Variants in PCYOX1 observed in about 807,000 individuals in gnomAD.
PCYOX1 encodes the protein prenylcysteine lyase.
Under a neutral mutation model 46.4 loss-of-function variants are expected in PCYOX1, and 46 were observed. That is an observed-to-expected ratio of 0.99 (90% CI 0.78 to 1.27). PCYOX1 has a LOEUF of 1.27. PCYOX1 is among the 50% of genes most tolerant of loss of function. The probability of loss-of-function intolerance (pLI) is 0.00; values close to 1 mark genes in which losing one functional copy is unlikely to be tolerated. For synonymous variants in PCYOX1, 220 were observed against 231.8 expected, an observed-to-expected ratio of 0.95 and a Z score of 0.46; for missense variants, 658 against 628.3, an observed-to-expected ratio of 1.05 and a Z score of -0.51.
chr2:70,275,241 T>G, intron 4 of PCYOX1, 71 bp downstream of exon 4: 1 of 1,302,020 alleles, frequency 7.7e-7, no homozygotes, highest in South Asian at 1.2e-5. Context: ...TGGTGGTTCC[T>G]GACTTTAGGC....
rs1457991265 is a variant in PCYOX1, at chr2:70,281,117, C to T, written c.*3725C>T. 1 of 152,286 alleles carries T rather than the reference C, an allele frequency of 6.6e-6. No individual in the cohort carries two copies. Among genetic ancestry groups the T allele is most frequent in the African/African-American group, 2.4e-5 (1 of 41,448 alleles). The allele number at this position is 152,286 out of a possible 1,614,324, so 9.4% of individuals were successfully genotyped here. On this transcript the variant is annotated 3_prime_UTR_variant, in exon 6 of 6. Coordinates refer to ENST00000433351, the MANE Select transcript of PCYOX1 (RefSeq NM_016297.4). ...CTGGAATGTTTTTCTCTGGAATCCT[C>T]TTTCTACTCTTGTATTAAAATTTTT...
chr2:70,258,252 C>G lies in PCYOX1; in HGVS notation c.88C>G (p.Leu30Val), dbSNP rs1696376556. ...CTGCGGATGCCCCGAGGGCGCCGAG[C>G]TGCGTGCTCCGCCAGATAAAATCGG... Reference protein sequence around the residue: ...CSCGCPEGAELRAPPDKIAII... With the variant: ...CSCGCPEGAEVRAPPDKIAII... Residue 30 changes from leucine (L) to valine (V), a missense_variant, in exon 1 of 6, where the codon CTG becomes GTG. Transcript: ENST00000433351. 3 of 1,592,114 alleles carry G rather than the reference C, an allele frequency of 1.9e-6. No individual in the cohort carries two copies. The highest frequency in any genetic ancestry group is 2.6e-6 in the Non-Finnish European group (3 of 1,174,866).
intron 3 of PCYOX1, among the ~76,000 whole-genome samples, chr2:70,264,061 CAG>C (rs1281047869): frequency 6.7e-6 from 1 of 148,226 alleles, no homozygotes; most frequent in Non-Finnish European, 1.5e-5. Context: ...CTCCTGGGCT[CAG>C]GGGATCTGCC....
rs776676830 is a variant in PCYOX1, at chr2:70,277,402, C to T, written c.*10C>T. On this transcript the variant is annotated 3_prime_UTR_variant, in exon 6 of 6. Coordinates refer to ENST00000433351, the MANE Select transcript of PCYOX1 (RefSeq NM_016297.4). ...TAAAACTGAACTATGAAGTGACACA[C>T]TCCTTTTTCCCCTCCTAGTTCCAAA... is the stretch of plus-strand genomic sequence containing the variant. The T allele has an allele frequency of 1.6e-5, 25 of 1,567,596 alleles. No individual in the cohort carries two copies. The highest frequency in any genetic ancestry group is 2.2e-5 in the Non-Finnish European group (25 of 1,150,048).
In PCYOX1 at chr2:70,277,411, C is replaced by A. The variant is rs1383202071; in HGVS notation, c.*19C>A. ...ACTATGAAGTGACACACTCCTTTTT[C>A]CCCTCCTAGTTCCAAATGACTATCA... On this transcript the variant is annotated 3_prime_UTR_variant, in exon 6 of 6. Transcript: ENST00000433351. The A allele has an allele frequency of 7.1e-6, 11 of 1,557,584 alleles. No homozygotes were observed. Among genetic ancestry groups the A allele is most frequent in the Non-Finnish European group, 9.6e-6 (11 of 1,143,538 alleles).
chr2:70,260,913 G>T (rs1382292712), intron 2 of PCYOX1, among the ~76,000 whole-genome samples: 1 of 152,002 alleles, frequency 6.6e-6, no homozygotes, highest in Non-Finnish European at 1.5e-5. Context: ...GAATTCAGTT[G>T]GTACTCTGGC....
intron 3 of PCYOX1, among the ~76,000 whole-genome samples, chr2:70,262,046 T>TA (rs1696447696): frequency 6.6e-6 from 1 of 152,230 alleles, no homozygotes; most frequent in South Asian, 2.1e-4. Context: ...ACAGTTTTTT[T>TA]AATGCGTGTG....
chr2:70,262,885 AAAAAC>A (rs111754898), intron 3 of PCYOX1, among the ~76,000 whole-genome samples: 2 of 151,900 alleles, frequency 1.3e-5, no homozygotes, highest in East Asian at 1.9e-4. Flanking sequence ...TCTTGAGGGG[AAAAAC>A]AAAACAAAAC....
rs542104224 is a variant in PCYOX1 at position 70,262,548 on chromosome 2, C to T, written c.494+1162C>T. 1.5e-3 allele frequency among the ~76,000 whole-genome samples: 195 copies of T among 133,246 alleles called. 1 individual carries two copies. The highest frequency in any genetic ancestry group is 5.2e-3 in the African/African-American group (184 of 35,194). The allele number at this position is 133,246 out of a possible 152,430, so 87.4% of individuals were successfully genotyped here. A position where few individuals can be genotyped will look rare whatever the true frequency, so the allele number is the denominator to read the frequency against. On this transcript the variant is annotated intron_variant, in intron 3 of 5. Transcript: ENST00000433351. ...GGGCTGGAGTGCAGTGGCACCATCTCGGCTCACTGCAACCTCTGCCTCCCT... is the reference window on the plus strand; with the variant it reads ...GGGCTGGAGTGCAGTGGCACCATCTTGGCTCACTGCAACCTCTGCCTCCCT...
chr2:70,268,775 G>A (rs182499602), intron 3 of PCYOX1, among the ~76,000 whole-genome samples: 34 of 150,144 alleles, frequency 2.3e-4, no homozygotes, highest in South Asian at 1.1e-3. Flanking sequence ...GGCAACAAGC[G>A]TGAAACTCTG....
intron 3 of PCYOX1, among the ~76,000 whole-genome samples, chr2:70,265,064 A>G (rs1696493647): frequency 6.6e-6 from 1 of 152,076 alleles, no homozygotes; most frequent in Non-Finnish European, 1.5e-5. Flanking sequence ...AAAACAGTGC[A>G]TTCATTCATT....
At chr2:70,269,145 G>A (rs66522828) in intron 3 of PCYOX1, among the ~76,000 whole-genome samples, 12,095 of 149,118 alleles carry the variant, frequency 0.081, 521 homozygotes, top group East Asian at 0.18. Context: ...TTTATTTCTG[G>A]GTTTTCTTAT....
intron 5 of PCYOX1, among the ~76,000 whole-genome samples, chr2:70,276,256 G>A (rs1003769436): frequency 2.6e-5 from 4 of 151,036 alleles, no homozygotes; most frequent in Non-Finnish European, 5.9e-5. Context: ...TGCAAGCTCC[G>A]CCTCCCGGGT....
rs1207873249 is a variant in PCYOX1, at chr2:70,278,058, T to C, written c.*666T>C. 6.6e-6 allele frequency: 1 copy of C among 152,222 alleles called. No homozygotes were observed. Among genetic ancestry groups the C allele is most frequent in the Admixed American group, 6.6e-5 (1 of 15,262 alleles). The allele number at this position is 152,222 out of a possible 1,614,324, so 9.4% of individuals were successfully genotyped here. A position where few individuals can be genotyped will look rare whatever the true frequency, so the allele number is the denominator to read the frequency against. On this transcript the variant is annotated 3_prime_UTR_variant, in exon 6 of 6. Coordinates refer to ENST00000433351, the MANE Select transcript of PCYOX1 (RefSeq NM_016297.4). ...ATGCCTAAAGCCTTGACTTTCAGAATGTTGTCTTTTGATTCTTCTGTCTTG... is the reference window on the plus strand; with the variant it reads ...ATGCCTAAAGCCTTGACTTTCAGAACGTTGTCTTTTGATTCTTCTGTCTTG...
Position 70,278,027 on chromosome 2 carries a change from G to A in PCYOX1, c.*635G>A, listed in dbSNP as rs1424870246. 1 of 152,200 alleles carries A rather than the reference G, an allele frequency of 6.6e-6. No individual in the cohort carries two copies. The highest frequency in any genetic ancestry group is 1.9e-4 in the East Asian group (1 of 5,202). 9.4% of individuals were successfully genotyped at this position (152,200 alleles called of 1,614,324 possible). A position where few individuals can be genotyped will look rare whatever the true frequency, so the allele number is the denominator to read the frequency against. ...AATTTCATACCGGTTTGAAGTACGT[G>A]TGCCCATGCCTAAAGCCTTGACTTT... is the stretch of plus-strand genomic sequence containing the variant. On this transcript the variant is annotated 3_prime_UTR_variant, in exon 6 of 6. Coordinates refer to ENST00000433351, the MANE Select transcript of PCYOX1 (RefSeq NM_016297.4).
At chr2:70,268,122 G>T (rs1696553960) in intron 3 of PCYOX1, among the ~76,000 whole-genome samples, 1 of 152,052 alleles carries the variant, frequency 6.6e-6, no homozygotes, top group South Asian at 2.1e-4. Context: ...AATTTGTGTT[G>T]TTTTAAGCCA....
In PCYOX1 at chr2:70,279,936, C is replaced by T. The variant is rs935628884; in HGVS notation, c.*2544C>T. ...CTTTACTAAAAATACAAAAATTAGC[C>T]AGGCATGGTGGCGTGTGCCAGTAAT... On this transcript the variant is annotated 3_prime_UTR_variant, in exon 6 of 6. Transcript: ENST00000433351. 4 of 151,976 alleles carry T rather than the reference C, an allele frequency of 2.6e-5. No homozygotes were observed. The highest frequency in any genetic ancestry group is 9.7e-5 in the African/African-American group (4 of 41,366). The allele number at this position is 151,976 out of a possible 1,614,324, so 9.4% of individuals were successfully genotyped here.
chr2:70,259,618 A>G (rs1035460648), intron 2 of PCYOX1, 52 bp downstream of exon 2: 1 of 1,323,842 alleles, frequency 7.6e-7, no homozygotes, highest in African/African-American at 1.4e-5. Context: ...ACATCCCCGG[A>G]TATTTTTATC....
At chr2:70,259,704 G>A (rs914793814) in intron 2 of PCYOX1, 138 bp downstream of exon 2, 4 of 529,196 alleles carry the variant, frequency 7.6e-6, no homozygotes, top group Admixed American at 5.7e-5. Flanking sequence ...TCACTTTCTT[G>A]TTAGTTGGTA....
Sources: gnomAD v4.1 joint callset for allele counts (sites outside exome capture counted in the v4.1 genomes callset) on GRCh38, gnomAD v4.1.1 for gene constraint, MANE v1.5 for transcripts, NCBI Gene and HGNC (gene_info 2026-07-23, HGNC 2026-07-21) for gene names.